Variants in BCAS3 observed in about 807,000 individuals in gnomAD.
The protein encoded by BCAS3 is BCAS4/BCAS3 fusion.
Under a neutral mutation model 116.1 loss-of-function variants are expected in BCAS3, and 53 were observed. The ratio of observed to expected loss-of-function variants is 0.46; its 90% confidence interval spans 0.37 to 0.57. The LOEUF (loss-of-function observed/expected upper bound fraction) is 0.57. Ranked by LOEUF, BCAS3 falls within the 20% of genes least tolerant of loss-of-function variation. The probability of loss-of-function intolerance (pLI) is 0.00; values close to 1 mark genes in which losing one functional copy is unlikely to be tolerated. For missense variants in BCAS3, 917 were observed against 1,165.4 expected, an observed-to-expected ratio of 0.79 and a Z score of 3.10; for synonymous variants, 391 against 408.2, an observed-to-expected ratio of 0.96 and a Z score of 0.51.
intron 9 of BCAS3, among the ~76,000 whole-genome samples, chr17:60,881,523 C>G (rs1024147648): frequency 1.3e-5 from 2 of 151,378 alleles, no homozygotes; most frequent in Non-Finnish European, 2.9e-5. Context: ...ATGTGCCATG[C>G]TGGTGCGCTG....
chr17:61,111,540 A>C (rs906138178), intron 22 of BCAS3, among the ~76,000 whole-genome samples: 42 of 151,570 alleles, frequency 2.8e-4, no homozygotes, highest in African/African-American at 4.6e-4. Flanking sequence ...TAGAGAAAAA[A>C]GAATAAAAAG....
intron 19 of BCAS3, among the ~76,000 whole-genome samples, chr17:61,054,249 C>T (rs1444161090): frequency 1.3e-5 from 2 of 152,192 alleles, no homozygotes; most frequent in African/African-American, 2.4e-5. Flanking sequence ...TCCATTACAA[C>T]CTAATGATCT....
rs761336462 is a variant in BCAS3 at position 61,068,693 on chromosome 17, C to T, written c.2030-6227C>T. Among the ~76,000 whole-genome samples, 1 of 152,162 alleles carries T rather than the reference C, an allele frequency of 6.6e-6. No individual in the cohort carries two copies. Among genetic ancestry groups the T allele is most frequent in the Non-Finnish European group, 1.5e-5 (1 of 68,032 alleles). Reference sequence around the variant, plus strand: ...GACATAAGTTTTCACCGCCATTGGTCCCTAAAACTTCTTCTGGGATTCTGT... The same window carrying T: ...GACATAAGTTTTCACCGCCATTGGTTCCTAAAACTTCTTCTGGGATTCTGT... On this transcript the variant is annotated intron_variant, in intron 19 of 23. Coordinates refer to ENST00000407086, the MANE Select transcript of BCAS3 (RefSeq NM_017679.5). This position sits in a 1 kb window ranked among gnomAD's most constrained non-coding sequence, Gnocchi z 4.3.
intron 6 of BCAS3, among the ~76,000 whole-genome samples, chr17:60,804,207 G>T (rs2048072038): frequency 6.6e-6 from 1 of 151,326 alleles, no homozygotes; most frequent in African/African-American, 2.4e-5. Flanking sequence ...TATTGGCTGG[G>T]CGTGGTGGCT....
Position 61,209,150 on chromosome 17 carries a change from A to G in BCAS3, c.2425+124586A>G, listed in dbSNP as rs75003271. ...AGCTGTTTTTGCTGAAGAAGAAGAA[A>G]AAAAAAAGGCCACCCCGAAACAACA... On this transcript the variant is annotated intron_variant, in intron 22 of 23. Transcript: ENST00000407086. Among the ~76,000 whole-genome samples, 1,107 of 149,556 alleles carry G rather than the reference A, an allele frequency of 7.4e-3. 11 individuals carry two copies. The highest frequency in any genetic ancestry group is 9.3e-3 in the Non-Finnish European group (630 of 67,608).
At chr17:60,713,363 T>C (rs2038160000) in intron 5 of BCAS3, among the ~76,000 whole-genome samples, 1 of 152,214 alleles carries the variant, frequency 6.6e-6, no homozygotes, top group African/African-American at 2.4e-5. Context: ...CTGAAACTTA[T>C]AACCATTATT....
intron 22 of BCAS3, among the ~76,000 whole-genome samples, chr17:61,091,399 A>T (rs1601159148): frequency 6.6e-6 from 1 of 152,026 alleles, no homozygotes; most frequent in Admixed American, 6.6e-5. Context: ...TGGCAGGGGG[A>T]CAGAGTTGGG....
At position 61,392,416 on chromosome 17, in the gene BCAS3, G is replaced by T; in HGVS notation, c.*291G>T. 8 of 188,504 alleles carry T rather than the reference G, an allele frequency of 4.2e-5. No homozygotes were observed. The highest frequency in any genetic ancestry group is 2.5e-4 in the East Asian group (2 of 8,060). 11.7% of individuals were successfully genotyped at this position (188,504 alleles called of 1,614,324 possible). ...GACATCCTGCATTGGATCCGCTTTT[G>T]TATTTTTTAACCATACCCACGGTGG... is the stretch of plus-strand genomic sequence containing the variant. On this transcript the variant is annotated 3_prime_UTR_variant, in exon 24 of 24. Coordinates refer to ENST00000407086, the MANE Select transcript of BCAS3 (RefSeq NM_017679.5). This position sits in a 1 kb window ranked among gnomAD's most constrained non-coding sequence, Gnocchi z 6.4.
intron 22 of BCAS3, among the ~76,000 whole-genome samples, chr17:61,123,376 A>G (rs1241664790): frequency 6.6e-6 from 1 of 152,104 alleles, no homozygotes. Context: ...ACCTCTCAAT[A>G]GTTTTGTAGT....
At chr17:60,814,146 C>T (rs2049103610) in intron 7 of BCAS3, among the ~76,000 whole-genome samples, 1 of 151,872 alleles carries the variant, frequency 6.6e-6, no homozygotes, top group South Asian at 2.1e-4. Context: ...AATATTTATT[C>T]TTCCAATCCA....
In BCAS3 at chr17:60,912,061, G is replaced by C. The variant is rs1011903508; in HGVS notation, c.993+1359G>C. 2.0e-5 allele frequency among the ~76,000 whole-genome samples: 3 copies of C among 152,074 alleles called. No homozygotes were observed. The East Asian group carries it at 5.8e-4, about 29-fold the overall frequency. On this transcript the variant is annotated intron_variant, in intron 12 of 23. Coordinates refer to ENST00000407086, the MANE Select transcript of BCAS3 (RefSeq NM_017679.5). The stretch of plus-strand genomic sequence containing the variant: ...ATCTTGCTGGTAAGGTATCATTTGG[G>C]CTGTTTTTCCCCCATGCACTCATAA...
At chr17:60,911,846 A>T (rs2058532767) in intron 12 of BCAS3, among the ~76,000 whole-genome samples, 1 of 152,238 alleles carries the variant, frequency 6.6e-6, no homozygotes, top group Non-Finnish European at 1.5e-5. Context: ...AATTTATAAC[A>T]GATGTTTTCT....
At chr17:61,093,274 A>G (rs1205696669) in intron 22 of BCAS3, among the ~76,000 whole-genome samples, 4 of 152,264 alleles carry the variant, frequency 2.6e-5, no homozygotes, top group Non-Finnish European at 4.4e-5. Flanking sequence ...ATTTAGGACT[A>G]TGATCCTTTT....
chr17:61,111,900 C>T (rs1223392091), intron 22 of BCAS3, among the ~76,000 whole-genome samples: 1,266 of 47,842 alleles, frequency 0.026, 142 homozygotes, highest in African/African-American at 0.071. Flanking sequence ...GGCAGAAACC[C>T]TACAAGCCAG....
chr17:61,340,943 A>T (rs1218531687), intron 22 of BCAS3, among the ~76,000 whole-genome samples: 1 of 152,244 alleles, frequency 6.6e-6, no homozygotes, highest in African/African-American at 2.4e-5. Context: ...GTTATTGTTA[A>T]TTCCATCAAA....
At chr17:60,997,530 T>TA (rs2063922020) in intron 15 of BCAS3, among the ~76,000 whole-genome samples, 1 of 152,150 alleles carries the variant, frequency 6.6e-6, no homozygotes, top group Non-Finnish European at 1.5e-5. Context: ...AAGGCAAAGG[T>TA]AAGAAATAGT....
chr17:60,711,631 CT>C (rs2037938832), intron 5 of BCAS3, among the ~76,000 whole-genome samples: 1 of 152,002 alleles, frequency 6.6e-6, no homozygotes, highest in African/African-American at 2.4e-5. Context: ...AAGTTAATTT[CT>C]GTTTATCTTT....
In BCAS3 at chr17:61,037,349, G is replaced by A. The variant is rs1414007330; in HGVS notation, c.1763-540G>A. On this transcript the variant is annotated intron_variant, in intron 17 of 23. Transcript: ENST00000407086. This position sits in a 1 kb window ranked among gnomAD's most constrained non-coding sequence, Gnocchi z 4.7. ...GGATTTTACTATATTAGGATTTGGGGCATAGTAGTATCATTCTTGAAGTAA... is the reference window on the plus strand; with the variant it reads ...GGATTTTACTATATTAGGATTTGGGACATAGTAGTATCATTCTTGAAGTAA... Among the ~76,000 whole-genome samples the A allele has an allele frequency of 2.0e-5, 3 of 152,188 alleles. No individual in the cohort carries two copies. Among genetic ancestry groups the A allele is most frequent in the Admixed American group, 2.0e-4 (3 of 15,282 alleles).
intron 9 of BCAS3, among the ~76,000 whole-genome samples, chr17:60,877,596 G>A (rs2055733202): frequency 6.6e-6 from 1 of 152,142 alleles, no homozygotes; most frequent in South Asian, 2.1e-4. Flanking sequence ...AACAAGTTTT[G>A]TTAAAGCATT....
Sources: allele counts gnomAD v4.1 joint callset (sites outside exome capture counted in the v4.1 genomes callset), GRCh38; gene constraint gnomAD v4.1.1; non-coding constraint Gnocchi (gnomAD v3.1); transcripts MANE v1.5; gene names NCBI Gene and HGNC (gene_info 2026-07-23, HGNC 2026-07-21).